The following SUCLG2 variants were observed in gnomAD, a reference collection of about 807,000 sequenced individuals.
SUCLG2 encodes the protein succinate-CoA ligase GDP-forming subunit beta, also known as succinate--CoA ligase [GDP-forming] subunit beta, mitochondrial.
A neutral mutation model predicts 47.9 loss-of-function variants in SUCLG2; 42 were observed. The observed-to-expected ratio is 0.88, with a 90% CI of 0.69 to 1.14. SUCLG2 has a LOEUF of 1.14. SUCLG2 is among the 50% of genes most tolerant of loss of function. SUCLG2 has a pLI of 0.00. For synonymous variants in SUCLG2, 195 were observed against 197.3 expected, an observed-to-expected ratio of 0.99 and a Z score of 0.10; for missense variants, 571 against 525.9, an observed-to-expected ratio of 1.09 and a Z score of -0.84.
chr3:67,638,873 C>A (rs1264061563), intron 1 of SUCLG2, among the ~76,000 whole-genome samples: 1 of 152,158 alleles, frequency 6.6e-6, no homozygotes, highest in Non-Finnish European at 1.5e-5. Flanking sequence ...ACTGGCTCAG[C>A]AATGAGCATA....
At chr3:67,362,253 G>C (rs112201900) in intron 10 of SUCLG2, among the ~76,000 whole-genome samples, 3 of 152,114 alleles carry the variant, frequency 2.0e-5, no homozygotes, top group Admixed American at 6.5e-5. Flanking sequence ...CCCCAGGACA[G>C]GATCCTTGCA....
Position 67,534,175 on chromosome 3 carries a change from T to G in SUCLG2, c.227-4989A>C, listed in dbSNP as rs778032607. Among the ~76,000 whole-genome samples, 12 of 152,152 alleles carry G rather than the reference T, an allele frequency of 7.9e-5. 1 individual carries two copies. Among genetic ancestry groups the G allele is most frequent in the Admixed American group, 2.6e-4 (4 of 15,274 alleles). ...ATATTATTTCAAATCAAGAAATTCT[T>G]GACTGATAAGGCTTTCATGTAAGTT... On this transcript the variant is annotated intron_variant, in intron 2 of 10. Transcript: ENST00000307227.
intron 9 of SUCLG2, among the ~76,000 whole-genome samples, chr3:67,495,418 G>A (rs777718220): frequency 2.2e-4 from 33 of 152,070 alleles, no homozygotes; most frequent in Middle Eastern, 3.2e-3. Context: ...ACTTTTGGAG[G>A]CCTAGGCGGG....
chr3:67,520,744 C>A, intron 4 of SUCLG2, 110 bp from the exon 5 acceptor site: 1 of 1,284,710 alleles, frequency 7.8e-7, no homozygotes, highest in Non-Finnish European at 1.1e-6. Flanking sequence ...CAGGCTCTTA[C>A]AGCCCAGGGA....
At chr3:67,623,631 G>A (rs1464785625) in intron 1 of SUCLG2, among the ~76,000 whole-genome samples, 5 of 152,034 alleles carry the variant, frequency 3.3e-5, no homozygotes, top group Non-Finnish European at 5.9e-5. Context: ...ATTAAAACCC[G>A]CCCAACTACA....
intron 9 of SUCLG2, among the ~76,000 whole-genome samples, chr3:67,416,260 T>C (rs1161053262): frequency 6.6e-6 from 1 of 152,204 alleles, no homozygotes; most frequent in Non-Finnish European, 1.5e-5. Flanking sequence ...GGTAGCTCTT[T>C]CAATAAAATA....
At chr3:67,422,005 G>A (rs1237588618) in intron 9 of SUCLG2, among the ~76,000 whole-genome samples, 2 of 152,148 alleles carry the variant, frequency 1.3e-5, no homozygotes, top group Non-Finnish European at 1.5e-5. Flanking sequence ...CATGTATATA[G>A]TACAGTCCTT....
chr3:67,552,683 A>G (rs1707048562), intron 2 of SUCLG2, among the ~76,000 whole-genome samples: 2 of 152,210 alleles, frequency 1.3e-5, no homozygotes, highest in South Asian at 2.1e-4. Flanking sequence ...CATAAACCTC[A>G]GTTTCTTCAT....
chr3:67,485,729 T>G (rs1705033672), intron 9 of SUCLG2, among the ~76,000 whole-genome samples: 1 of 152,208 alleles, frequency 6.6e-6, no homozygotes, highest in Non-Finnish European at 1.5e-5. Flanking sequence ...ATTTAAAAAC[T>G]TCCAAAAACA....
chr3:67,524,755 G>C (rs1706209634), intron 4 of SUCLG2, among the ~76,000 whole-genome samples: 1 of 152,168 alleles, frequency 6.6e-6, no homozygotes. Flanking sequence ...AGGTGACTCT[G>C]AAAGTTATAG....
intron 6 of SUCLG2, among the ~76,000 whole-genome samples, chr3:67,510,433 C>A (rs1460895718): frequency 6.6e-6 from 1 of 151,984 alleles, no homozygotes; most frequent in East Asian, 1.9e-4. Context: ...ATACAAAATT[C>A]CCGAAGAACT....
exon 11 of SUCLG2, chr3:67,360,494 C>A: frequency 2.4e-6 from 2 of 850,348 alleles, no homozygotes; most frequent in Admixed American, 6.2e-5. Context: ...GGTGAATGAA[C>A]AGCTATAAGC....
At chr3:67,361,632 C>A (rs890762495) in intron 10 of SUCLG2, among the ~76,000 whole-genome samples, 1 of 152,174 alleles carries the variant, frequency 6.6e-6, no homozygotes, top group Non-Finnish European at 1.5e-5. Flanking sequence ...AATGGCCTGG[C>A]CCCTGCCCAC....
At chr3:67,409,059 A>T (rs1422618795) in intron 9 of SUCLG2, 6 of 1,532,464 alleles carry the variant, frequency 3.9e-6, no homozygotes, top group Non-Finnish European at 5.2e-6. Flanking sequence ...ATCAGAGGTA[A>T]GATATCTTGT....
At chr3:67,429,243 A>T (rs1214094303) in intron 9 of SUCLG2, among the ~76,000 whole-genome samples, 1 of 152,268 alleles carries the variant, frequency 6.6e-6, no homozygotes, top group Non-Finnish European at 1.5e-5. Context: ...TTAGACTAAC[A>T]GCTGATCTCT....
chr3:67,426,134 G>A (rs986740683), intron 9 of SUCLG2, among the ~76,000 whole-genome samples: 2 of 152,150 alleles, frequency 1.3e-5, no homozygotes, highest in Non-Finnish European at 2.9e-5. Flanking sequence ...AGATTGCCAA[G>A]CTTTAGTATT....
intron 2 of SUCLG2, among the ~76,000 whole-genome samples, chr3:67,536,922 G>GA (rs1377624149): frequency 6.6e-6 from 1 of 152,056 alleles, no homozygotes; most frequent in Non-Finnish European, 1.5e-5. Flanking sequence ...TTATAATAGT[G>GA]AAAAAACTAG....
intron 9 of SUCLG2, among the ~76,000 whole-genome samples, chr3:67,446,417 ATTTTTTTT>A (rs750956324): frequency 1.6e-4 from 5 of 32,196 alleles, no homozygotes; most frequent in Non-Finnish European, 2.1e-4. Flanking sequence ...ACATATGTAC[ATTTTTTTT>A]TTTTTTTTTT....
At chr3:67,415,932 T>A (rs1703030361) in intron 9 of SUCLG2, among the ~76,000 whole-genome samples, 1 of 152,160 alleles carries the variant, frequency 6.6e-6, no homozygotes, top group African/African-American at 2.4e-5. Context: ...ATTTGTTCTC[T>A]CTCTTGGATC....
Sources: allele counts gnomAD v4.1 joint callset (sites outside exome capture counted in the v4.1 genomes callset), GRCh38; gene constraint gnomAD v4.1.1; transcripts MANE v1.5; gene names NCBI Gene and HGNC (gene_info 2026-07-23, HGNC 2026-07-21).